HMGCS2: variants seen among roughly 807,000 people sequenced by gnomAD.
The protein encoded by HMGCS2 is 3-hydroxy-3-methylglutaryl-CoA synthase 2.
In HMGCS2, 50 loss-of-function variants were observed where a neutral mutation model predicts 57.4. The observed-to-expected ratio is 0.87, with a 90% CI of 0.69 to 1.10. The LOEUF (loss-of-function observed/expected upper bound fraction) is 1.10. Ranked by LOEUF, HMGCS2 falls within the 50% of genes least tolerant of loss-of-function variation. The pLI is 0.00. For missense variants in HMGCS2, 627 were observed against 636.5 expected, an observed-to-expected ratio of 0.99 and a Z score of 0.16; for synonymous variants, 254 against 245.1, an observed-to-expected ratio of 1.04 and a Z score of -0.34.
chr1:119,763,390 CAT>C (rs1403448047), intron 2 of HMGCS2, among the ~76,000 whole-genome samples: 6 of 152,178 alleles, frequency 3.9e-5, no homozygotes, highest in Non-Finnish European at 7.3e-5. Flanking sequence ...TGTTTTTTCA[CAT>C]CTTTATGAAA....
At chr1:119,759,351 A>T in intron 3 of HMGCS2, 69 bp from the exon 4 acceptor site, 1 of 1,492,534 alleles carries the variant, frequency 6.7e-7, no homozygotes, top group Non-Finnish European at 9.3e-7. Flanking sequence ...AAGATGAGAG[A>T]ACCATATAAA....
Position 119,764,892 on chromosome 1 carries a change from C to G in HMGCS2, c.105-266G>C, listed in dbSNP as rs1441009. Among the ~76,000 whole-genome samples, 65,732 of 151,918 alleles carry G rather than the reference C, an allele frequency of 0.43. 14,877 individuals are homozygous for G. The highest frequency in any genetic ancestry group is 0.52 in the Admixed American group (7,912 of 15,258). On this transcript the variant is annotated intron_variant, in intron 1 of 9. Coordinates refer to ENST00000369406, the MANE Select transcript of HMGCS2 (RefSeq NM_005518.4). Reference sequence around the variant, plus strand: ...TACACTAGCTTTTTGCTTACTGTTTCCATGGTACATCTTTTTCTGTCCCTT... The same window carrying G: ...TACACTAGCTTTTTGCTTACTGTTTGCATGGTACATCTTTTTCTGTCCCTT...
chr1:119,749,303 G>A lies in HMGCS2; in HGVS notation c.*6-462C>T, dbSNP rs587683702. 2.6e-5 allele frequency among the ~76,000 whole-genome samples: 4 copies of A among 152,046 alleles called. No homozygotes were observed. The East Asian group carries it at 7.7e-4, about 29-fold the overall frequency. On this transcript the variant is annotated intron_variant, in intron 9 of 9. Transcript: ENST00000369406. Reference sequence around the variant, plus strand: ...GTCTACCATGAGAGGGAGGGAGGCTGACGTGGAAATTCTCCTTTAAAAATT... The same window carrying A: ...GTCTACCATGAGAGGGAGGGAGGCTAACGTGGAAATTCTCCTTTAAAAATT...
chr1:119,764,071 T>C, intron 2 of HMGCS2, 101 bp downstream of exon 2: 2 of 930,742 alleles, frequency 2.1e-6, no homozygotes, highest in Non-Finnish European at 1.7e-6. Context: ...TTGTCCTTCC[T>C]TCACTAGATG....
chr1:119,767,655 T>C (rs587665481), intron 1 of HMGCS2, among the ~76,000 whole-genome samples: 16 of 152,294 alleles, frequency 1.1e-4, no homozygotes, highest in African/African-American at 3.8e-4. Flanking sequence ...CATAATGGGA[T>C]TAACTGTGAA....
At chr1:119,764,969 C>T (rs76331743) in intron 1 of HMGCS2, among the ~76,000 whole-genome samples, 2,692 of 152,114 alleles carry the variant, frequency 0.018, 90 homozygotes, top group African/African-American at 0.062. Context: ...CTCTTGTGAT[C>T]GGTATATATA....
intron 1 of HMGCS2, among the ~76,000 whole-genome samples, chr1:119,767,309 C>T (rs775000484): frequency 2.0e-5 from 3 of 152,118 alleles, no homozygotes; most frequent in Non-Finnish European, 4.4e-5. Context: ...AGAGAAGCTT[C>T]GTGGAAGAGA....
chr1:119,753,269 A>C lies in HMGCS2; in HGVS notation c.1294+11T>G, dbSNP rs745658090. 1.3e-6 allele frequency: 2 copies of C among 1,551,634 alleles called. No homozygotes were observed. The highest frequency in any genetic ancestry group is 4.5e-5 in the East Asian group (2 of 44,592). On this transcript the variant is annotated intron_variant, in intron 7 of 9. Transcript: ENST00000369406. ...CTTGTCAGGAAGGCCTACTAGAAAG[A>C]TGACACTCACCTGGAGCAGCATCCT...
chr1:119,756,224 T>G (rs587626383), intron 5 of HMGCS2, among the ~76,000 whole-genome samples: 2 of 152,180 alleles, frequency 1.3e-5, no homozygotes, highest in Admixed American at 1.3e-4. Flanking sequence ...CTAGAGAAAA[T>G]GGTAACTTGA....
At chr1:119,751,015 T>C in intron 8 of HMGCS2, 107 bp from the exon 9 acceptor site, 1 of 752,914 alleles carries the variant, frequency 1.3e-6, no homozygotes, top group Non-Finnish European at 2.3e-6. Context: ...CTCTCTTGGC[T>C]GGGCTGTAAG....
intron 6 of HMGCS2, 55 bp downstream of exon 6, chr1:119,755,372 G>A (rs997550708): frequency 2.3e-5 from 35 of 1,553,466 alleles, no homozygotes; most frequent in Middle Eastern, 1.9e-4. Flanking sequence ...TGCAGCCCAC[G>A]GGGGCGGAGG....
chr1:119,763,806 TA>T (rs905207014), intron 2 of HMGCS2, among the ~76,000 whole-genome samples: 3 of 152,190 alleles, frequency 2.0e-5, no homozygotes, highest in Non-Finnish European at 4.4e-5. Context: ...CTCAGAGACT[TA>T]GGACATGTTT....
chr1:119,756,428 C>G (rs1652839695), intron 5 of HMGCS2, among the ~76,000 whole-genome samples: 2 of 151,990 alleles, frequency 1.3e-5, no homozygotes, highest in South Asian at 4.1e-4. Flanking sequence ...TTCGATAGGG[C>G]TGGTCTTACA....
At chr1:119,748,960 G>T (rs1246627344) in intron 9 of HMGCS2, 119 bp from the exon 10 acceptor site, 1 of 152,270 alleles carries the variant, frequency 6.6e-6, no homozygotes, top group Non-Finnish European at 1.5e-5. Context: ...CATCCTGAGG[G>T]TGCTCCCACT....
intron 6 of HMGCS2, among the ~76,000 whole-genome samples, chr1:119,753,978 G>C (rs1021067934): frequency 6.6e-6 from 1 of 151,272 alleles, no homozygotes; most frequent in Non-Finnish European, 1.5e-5. Flanking sequence ...TTTACCTCCT[G>C]GGCTCAAGTG....
intron 7 of HMGCS2, among the ~76,000 whole-genome samples, chr1:119,752,929 TAATC>T (rs1358381624): frequency 5.3e-5 from 8 of 152,188 alleles, no homozygotes; most frequent in Admixed American, 5.2e-4. Flanking sequence ...AATCACAAAA[TAATC>T]AATAAATTCT....
chr1:119,762,705 G>C (rs775636787), intron 2 of HMGCS2, among the ~76,000 whole-genome samples: 1 of 152,176 alleles, frequency 6.6e-6, no homozygotes, highest in Non-Finnish European at 1.5e-5. Context: ...CCAGGCTCAA[G>C]CTTAGCTGTT....
Position 119,755,601 on chromosome 1 carries a change from T to TGAGGTAGACA in HMGCS2, c.1017-5_1017-4insTGTCTACCTC. ...GGTGTCTTCCAGCTTTAGCCCCCTG[T>TGAGGTAGACA]GAGGTAGCCAGAGGTAGCCATGTGA... On this transcript the variant is annotated splice_polypyrimidine_tract_variant and splice_region_variant and intron_variant, in intron 5 of 9. Transcript: ENST00000369406. 1.2e-6 allele frequency: 2 copies of TGAGGTAGACA among 1,613,864 alleles called. No homozygotes were observed. Among genetic ancestry groups the TGAGGTAGACA allele is most frequent in the Non-Finnish European group, 1.7e-6 (2 of 1,179,918 alleles).
chr1:119,748,618 C>G lies in HMGCS2; in HGVS notation c.*229G>C, dbSNP rs997897520. 2.6e-5 allele frequency: 4 copies of G among 152,170 alleles called. No homozygotes were observed. The highest frequency in any genetic ancestry group is 5.9e-5 in the Non-Finnish European group (4 of 68,072). The allele number at this position is 152,170 out of a possible 1,614,324, so 9.4% of individuals were successfully genotyped here. On this transcript the variant is annotated 3_prime_UTR_variant, in exon 10 of 10. Coordinates refer to ENST00000369406, the MANE Select transcript of HMGCS2 (RefSeq NM_005518.4). The stretch of plus-strand genomic sequence containing the variant: ...CTCCATCTTGCTCTTTCACAAAGGA[C>G]CCCTAGTCCATAGCACCATAAGCCC...
Sources: allele counts gnomAD v4.1 joint callset (sites outside exome capture counted in the v4.1 genomes callset), GRCh38; gene constraint gnomAD v4.1.1; transcripts MANE v1.5; gene names NCBI Gene and HGNC (gene_info 2026-07-23, HGNC 2026-07-21).